Variants in MATR3 observed in about 807,000 individuals in gnomAD.
MATR3 encodes the protein matrin 3.
MATR3 carries 4 observed loss-of-function variants against 85.5 expected under a neutral mutation model. That is an observed-to-expected ratio of 0.05 (90% CI 0.02 to 0.11). MATR3 has a LOEUF of 0.11. Ranked by LOEUF, MATR3 falls within the 10% of genes least tolerant of loss-of-function variation. MATR3 has a pLI of 1.00. For missense variants in MATR3, 685 were observed against 1,016.1 expected (o/e 0.67, Z 4.43); for synonymous variants, 336 against 343.1 (o/e 0.98, Z 0.23).
At chr5:139,317,507 TTA>T (rs1243929844) in intron 6 of MATR3, 87 bp from the exon 7 acceptor site, 1 of 1,266,892 alleles carries the variant, frequency 7.9e-7, no homozygotes, top group African/African-American at 1.5e-5. Flanking sequence ...TCCTGGTTAA[TTA>T]TAGATTATAA....
At chr5:139,298,470 G>T (rs1468957778) in intron 1 of MATR3, among the ~76,000 whole-genome samples, 1 of 152,168 alleles carries the variant, frequency 6.6e-6, no homozygotes, top group East Asian at 1.9e-4. Flanking sequence ...TGTTGGAGAC[G>T]CTGAAGCAGA....
rs1449709187 is a variant in MATR3 at position 139,330,543 on chromosome 5, A to G, written c.*1148A>G. 1 of 454,120 alleles carries G rather than the reference A, an allele frequency of 2.2e-6. No individual in the cohort carries two copies. The highest frequency in any genetic ancestry group is 4.4e-6 in the Non-Finnish European group (1 of 226,792). 28.1% of individuals were successfully genotyped at this position (454,120 alleles called of 1,614,324 possible). ...AGTGAATTCTAAAGACTGCCGCTAA[A>G]GATCTGAGTTTTAAAAATGTTGTTG... On this transcript the variant is annotated 3_prime_UTR_variant, in exon 15 of 15. Coordinates refer to ENST00000394805, the MANE Select transcript of MATR3 (RefSeq NM_018834.6).
intron 9 of MATR3, among the ~76,000 whole-genome samples, chr5:139,321,536 A>T (rs968879282): frequency 6.6e-6 from 1 of 152,132 alleles, no homozygotes; most frequent in African/African-American, 2.4e-5. Flanking sequence ...TAATCCCAGC[A>T]CTTTGTGAGG....
intron 5 of MATR3, 33 bp downstream of exon 5, chr5:139,316,221 A>G (rs373256877): frequency 8.1e-5 from 120 of 1,489,892 alleles, no homozygotes; most frequent in Middle Eastern, 5.9e-4. Context: ...ACTTTTCCCT[A>G]CAGAGCCGTT....
intron 3 of MATR3, among the ~76,000 whole-genome samples, chr5:139,280,396 G>A (rs1753470769): frequency 6.6e-6 from 1 of 152,208 alleles, no homozygotes; most frequent in African/African-American, 2.4e-5. Flanking sequence ...AGAGCCAATA[G>A]CAATGTGTCT....
At chr5:139,326,382 C>T (rs1046523365) in intron 14 of MATR3, 98 bp downstream of exon 14, 81 of 1,136,908 alleles carry the variant, frequency 7.1e-5, no homozygotes, top group Non-Finnish European at 1.1e-4. Context: ...TCTCTCTAGA[C>T]TCAGTGCAGT....
chr5:139,322,363 T>G (rs1755615975), intron 10 of MATR3, 100 bp from the exon 11 acceptor site: 3 of 1,109,504 alleles, frequency 2.7e-6, no homozygotes, highest in Non-Finnish European at 2.7e-6. Context: ...GGGAATTGAA[T>G]AAGCTGAGTT....
chr5:139,314,973 A>G (rs1755168655), intron 3 of MATR3: 1 of 444,184 alleles, frequency 2.3e-6, no homozygotes, highest in Non-Finnish European at 4.2e-6. Context: ...TATATTGGTC[A>G]TTATACAAAT....
chr5:139,281,891 A>T (rs1753545870), intron 3 of MATR3, among the ~76,000 whole-genome samples: 1 of 152,238 alleles, frequency 6.6e-6, no homozygotes. Flanking sequence ...TTTTTAAAAA[A>T]TGAGGGAACC....
intron 2 of MATR3, chr5:139,311,617 C>T (rs1356424017): frequency 6.6e-6 from 1 of 151,808 alleles, no homozygotes; most frequent in East Asian, 1.9e-4. Flanking sequence ...CTTTCTAGCT[C>T]CTATGAAATA....
At position 139,307,157 on chromosome 5, in the gene MATR3, C is replaced by A; in HGVS notation, c.-177-82C>A. 1 of 958,622 alleles carries A rather than the reference C, an allele frequency of 1.0e-6. No homozygotes were observed. 59.4% of individuals were successfully genotyped at this position (958,622 alleles called of 1,614,324 possible). A position where few individuals can be genotyped will look rare whatever the true frequency, so the allele number is the denominator to read the frequency against. ...CTTAAATGTTTTTTTTTTAAATCAA[C>A]ATGATGCATAAGTTTTTTTTTCTTA... On this transcript the variant is annotated intron_variant, in intron 1 of 14. Transcript: ENST00000394805. The surrounding 1 kb of genome is among the most constrained non-coding windows in gnomAD (Gnocchi z 4.4).
intron 1 of MATR3, among the ~76,000 whole-genome samples, chr5:139,296,932 G>A (rs1290345969): frequency 1.3e-5 from 2 of 152,170 alleles, no homozygotes; most frequent in Non-Finnish European, 2.9e-5. Context: ...CACATTAGGA[G>A]GCCAAGGCGG....
intron 14 of MATR3, among the ~76,000 whole-genome samples, chr5:139,328,789 A>C (rs1755984283): frequency 6.6e-6 from 1 of 152,054 alleles, no homozygotes; most frequent in Admixed American, 6.6e-5. Flanking sequence ...ATCACCTGAG[A>C]TCAGGAGTTT....
chr5:139,316,935 AATC>A lies in MATR3; in HGVS notation c.1130-115_1130-113del. Reference sequence around the variant, plus strand: ...AAAACATTGCATGAAAAGTGATGGTAATCATATATTTGTAAGAGCTTTTCATTT... The same window carrying A: ...AAAACATTGCATGAAAAGTGATGGTAATATATTTGTAAGAGCTTTTCATTT... On this transcript the variant is annotated intron_variant, in intron 5 of 14. Coordinates refer to ENST00000394805, the MANE Select transcript of MATR3 (RefSeq NM_018834.6). 5.2e-6 allele frequency: 4 copies of A among 773,422 alleles called. No homozygotes were observed. In the East Asian group the frequency reaches 1.1e-4, roughly 21 times the overall value. 47.9% of individuals were successfully genotyped at this position (773,422 alleles called of 1,614,324 possible).
Position 139,317,584 on chromosome 5 carries a change from C to A in MATR3, c.1183-12C>A. 1 of 1,594,848 alleles carries A rather than the reference C, an allele frequency of 6.3e-7. No individual in the cohort carries two copies. The highest frequency in any genetic ancestry group is 1.1e-5 in the South Asian group (1 of 89,852). ...AGACTTAATTGCTTGGTTTTTTTCC[C>A]CTAATGGATAGGAAACTAGCAGAGT... On this transcript the variant is annotated splice_polypyrimidine_tract_variant and intron_variant, in intron 6 of 14. Transcript: ENST00000394805.
intron 1 of MATR3, chr5:139,294,174 A>T: frequency 2.6e-6 from 2 of 769,942 alleles, no homozygotes; most frequent in Non-Finnish European, 3.6e-6. Flanking sequence ...AGCCCGTTAC[A>T]CGCGGGCCGC....
At chr5:139,280,078 G>C (rs1285115008) in intron 3 of MATR3, 2 of 152,196 alleles carry the variant, frequency 1.3e-5, no homozygotes, top group Non-Finnish European at 2.9e-5. Flanking sequence ...TATTATGCTT[G>C]TTCAGCCATG....
intron 12 of MATR3, among the ~76,000 whole-genome samples, chr5:139,323,637 G>T (rs1365766680): frequency 6.6e-6 from 1 of 152,216 alleles, no homozygotes; most frequent in Non-Finnish European, 1.5e-5. Flanking sequence ...GGCGGGCCCA[G>T]TGGCTCACGC....
At position 139,307,950 on chromosome 5, in the gene MATR3, G is replaced by A. The variant is rs1372371640; in HGVS notation, c.535G>A (p.Glu179Lys). 6.2e-7 allele frequency: 1 copy of A among 1,614,030 alleles called. No individual in the cohort carries two copies. The highest frequency in any genetic ancestry group is 1.7e-5 in the Admixed American group (1 of 60,002). ...ATACAGAGTACCTAGGGATGATTGG[G>A]AAGAAAAAAGGCACTTTAGAAGAGA... ...PPYRVPRDDW[E>K]EKRHFRRDSF... Residue 179 changes from glutamate (E) to lysine (K), a missense_variant, in exon 2 of 15, where the codon GAA becomes AAA. Coordinates refer to ENST00000394805, the MANE Select transcript of MATR3 (RefSeq NM_018834.6). The surrounding 1 kb of genome is among the most constrained non-coding windows in gnomAD (Gnocchi z 4.4).
Sources: allele counts gnomAD v4.1 joint callset (sites outside exome capture counted in the v4.1 genomes callset), GRCh38; gene constraint gnomAD v4.1.1; non-coding constraint Gnocchi (gnomAD v3.1); transcripts MANE v1.5; gene names NCBI Gene and HGNC (gene_info 2026-07-23, HGNC 2026-07-21).